The following MALRD1 variants were observed in gnomAD, a reference collection of about 807,000 sequenced individuals.
MALRD1 encodes MAM and LDL-receptor class A domain-containing protein 1.
MALRD1 carries 247 observed loss-of-function variants against 242.1 expected under a neutral mutation model. The ratio of observed to expected loss-of-function variants is 1.02; its 90% CI spans 0.92 to 1.13. The LOEUF is 1.13. Ranked by LOEUF, MALRD1 falls within the 50% of genes most tolerant of loss-of-function variation. The pLI, the probability that MALRD1 is intolerant of heterozygous loss-of-function variation, is 0.00. For missense variants in MALRD1, 2,989 were observed against 2,533.1 expected (o/e 1.18, Z -3.86); for synonymous variants, 995 against 866.6 (o/e 1.15, Z -2.60).
intron 28 of MALRD1, among the ~76,000 whole-genome samples, chr10:19,447,503 T>C (rs1480949803): frequency 6.6e-6 from 1 of 152,220 alleles, no homozygotes; most frequent in Non-Finnish European, 1.5e-5. Flanking sequence ...CTTTTTTTAC[T>C]AGAAGACAAG....
chr10:19,633,001 G>A (rs1469637289), intron 36 of MALRD1, among the ~76,000 whole-genome samples: 2 of 152,104 alleles, frequency 1.3e-5, no homozygotes, highest in Non-Finnish European at 2.9e-5. Flanking sequence ...GGAGGCTGAG[G>A]CAGGTGGATC....
chr10:19,049,985 A>G (rs1834436096), intron 1 of MALRD1, among the ~76,000 whole-genome samples: 1 of 151,994 alleles, frequency 6.6e-6, no homozygotes, highest in African/African-American at 2.4e-5. Context: ...TAAAATTACC[A>G]GGGGCTCATT....
At chr10:19,183,909 G>A (rs1384145041) in intron 14 of MALRD1, among the ~76,000 whole-genome samples, 2 of 151,928 alleles carry the variant, frequency 1.3e-5, no homozygotes, top group African/African-American at 2.4e-5. Flanking sequence ...TTTTCAAGGA[G>A]TCTCTCTCTC....
At position 19,088,070 on chromosome 10, in the gene MALRD1, T is replaced by C. The variant is rs1386181549; in HGVS notation, c.482T>C (p.Val161Ala). 1 of 1,233,452 alleles carries C rather than the reference T, an allele frequency of 8.1e-7. No individual in the cohort carries two copies. The highest frequency in any genetic ancestry group is 1.6e-5 in the African/African-American group (1 of 64,462). The allele number at this position is 1,233,452 out of a possible 1,614,324, so 76.4% of individuals were successfully genotyped here. The change falls in exon 4 of 40, where the codon GTT becomes GCT. Residue 161 changes from valine (V) to alanine (A), a missense_variant. Coordinates refer to ENST00000454679, the MANE Select transcript of MALRD1 (RefSeq NM_001142308.3). ...TGCCAAGTGAGTGGCAAATTAATGG[T>C]TGGGCTTCAAACTGCATGTGGAGGT... ...FSCQVSGKLM[V>A]GLQTACGGPI...
intron 36 of MALRD1, among the ~76,000 whole-genome samples, chr10:19,637,363 A>G (rs1840184435): frequency 1.3e-5 from 2 of 152,218 alleles, no homozygotes; most frequent in South Asian, 2.1e-4. Context: ...TGGTATCAAC[A>G]ATGATTAAGG....
chr10:19,482,006 T>C (rs566675431), intron 29 of MALRD1, among the ~76,000 whole-genome samples: 2 of 152,126 alleles, frequency 1.3e-5, no homozygotes, highest in South Asian at 4.2e-4. Context: ...TCAATACATG[T>C]TTCTGGCATG....
intron 36 of MALRD1, among the ~76,000 whole-genome samples, chr10:19,621,512 T>A (rs73595870): frequency 0.027 from 4,078 of 151,586 alleles, 164 homozygotes; most frequent in African/African-American, 0.092. Flanking sequence ...TATTCAGAAA[T>A]TTTTAACAAA....
At chr10:19,489,073 C>T (rs1208043054) in intron 29 of MALRD1, 5 of 459,576 alleles carry the variant, frequency 1.1e-5, no homozygotes, top group East Asian at 6.9e-5. Context: ...CCAGGCACCG[C>T]GCACGCGCCT....
intron 28 of MALRD1, among the ~76,000 whole-genome samples, chr10:19,402,491 G>T (rs1432282902): frequency 6.6e-6 from 1 of 151,870 alleles, no homozygotes; most frequent in Non-Finnish European, 1.5e-5. Flanking sequence ...ACATGACTTT[G>T]CTCCTCACTT....
At chr10:19,333,161 A>C (rs1468683988) in intron 24 of MALRD1, among the ~76,000 whole-genome samples, 1 of 151,978 alleles carries the variant, frequency 6.6e-6, no homozygotes, top group Non-Finnish European at 1.5e-5. Flanking sequence ...AATTATTTCA[A>C]CTTTTATTTT....
chr10:19,591,112 A>T (rs1837756673), intron 33 of MALRD1, among the ~76,000 whole-genome samples: 1 of 152,120 alleles, frequency 6.6e-6, no homozygotes, highest in Non-Finnish European at 1.5e-5. Flanking sequence ...CTGTCTCCAT[A>T]ATTTTGCCTT....
At chr10:19,725,266 G>T (rs1408309230) in intron 38 of MALRD1, among the ~76,000 whole-genome samples, 1 of 152,128 alleles carries the variant, frequency 6.6e-6, no homozygotes, top group Non-Finnish European at 1.5e-5. Flanking sequence ...TAAGCATGGG[G>T]GTGGTTACCC....
chr10:19,208,904 C>T lies in MALRD1; in HGVS notation c.2579-364C>T, dbSNP rs74697682. Among the ~76,000 whole-genome samples the T allele has an allele frequency of 0.015, 2,270 of 152,182 alleles. 101 individuals carry two copies. In the East Asian group the frequency reaches 0.18, roughly 12 times the overall value. ...AATGTTCCCTGGTGATTGGAACATT[C>T]AGTTGAGGTTGAAATCTACTGAGCC... On this transcript the variant is annotated intron_variant, in intron 17 of 39. Transcript: ENST00000454679.
chr10:19,476,872 A>G (rs2045656722), intron 29 of MALRD1, among the ~76,000 whole-genome samples: 1 of 152,176 alleles, frequency 6.6e-6, no homozygotes, highest in Non-Finnish European at 1.5e-5. Context: ...ATACATCTCT[A>G]TATTTCAACA....
chr10:19,478,842 T>C (rs1235062317), intron 29 of MALRD1, among the ~76,000 whole-genome samples: 1 of 152,196 alleles, frequency 6.6e-6, no homozygotes, highest in African/African-American at 2.4e-5. Flanking sequence ...TGACAATAAT[T>C]ATCACACAGG....
chr10:19,138,696 A>G (rs1833440814), intron 10 of MALRD1, among the ~76,000 whole-genome samples: 1 of 152,180 alleles, frequency 6.6e-6, no homozygotes. Flanking sequence ...CTGGGATTAC[A>G]GACATGAGCC....
At chr10:19,452,886 C>A (rs1191205665) in intron 29 of MALRD1, among the ~76,000 whole-genome samples, 1 of 152,132 alleles carries the variant, frequency 6.6e-6, no homozygotes, top group African/African-American at 2.4e-5. Context: ...TGGCATCTGG[C>A]TGTGTCATCT....
At position 19,686,998 on chromosome 10, in the gene MALRD1, GAA is replaced by G. The variant is rs201361810; in HGVS notation, c.6138-5273_6138-5272del. Among the ~76,000 whole-genome samples, 97 of 142,210 alleles carry G rather than the reference GAA, an allele frequency of 6.8e-4. 1 individual carries two copies. The highest frequency in any genetic ancestry group is 2.4e-3 in the African/African-American group (96 of 39,212). The allele number at this position is 142,210 out of a possible 152,430, so 93.3% of individuals were successfully genotyped here. ...TGCTTTTTACTTGTGAGTGCTCTTT[GAA>G]AAAAAAAAAATAATAACGAGTGGAT... On this transcript the variant is annotated intron_variant, in intron 36 of 39. Coordinates refer to ENST00000454679, the MANE Select transcript of MALRD1 (RefSeq NM_001142308.3).
intron 21 of MALRD1, among the ~76,000 whole-genome samples, chr10:19,287,048 C>A (rs1405204043): frequency 1.3e-5 from 2 of 152,134 alleles, no homozygotes; most frequent in Non-Finnish European, 2.9e-5. Flanking sequence ...TACATACCAA[C>A]TTTTTATGTC....
Sources: allele counts gnomAD v4.1 joint callset (sites outside exome capture counted in the v4.1 genomes callset), GRCh38; gene constraint gnomAD v4.1.1; transcripts MANE v1.5; gene names NCBI Gene and HGNC (gene_info 2026-07-23, HGNC 2026-07-21).